LRFN5: variants seen among roughly 807,000 people sequenced by gnomAD.
The protein encoded by LRFN5 is leucine rich repeat and fibronectin type III domain containing 5.
A neutral mutation model predicts 45.6 loss-of-function variants in LRFN5; 24 were observed. The ratio of observed to expected loss-of-function variants is 0.53; its 90% CI spans 0.38 to 0.74. LRFN5 has a LOEUF of 0.74. LRFN5 is among the 30% of genes least tolerant of loss of function. The pLI, the probability that LRFN5 is intolerant of heterozygous loss-of-function variation, is 0.00. For synonymous variants in LRFN5, 340 were observed against 313.8 expected, an observed-to-expected ratio of 1.08 and a Z score of -0.88; for missense variants, 776 against 861.5, an observed-to-expected ratio of 0.90 and a Z score of 1.24.
intron 2 of LRFN5, among the ~76,000 whole-genome samples, chr14:41,804,383 A>G (rs928353762): frequency 3.3e-5 from 5 of 152,156 alleles, no homozygotes; most frequent in Non-Finnish European, 7.4e-5. Context: ...GGTCATCAGA[A>G]ATGCAAAAGC....
intron 2 of LRFN5, among the ~76,000 whole-genome samples, chr14:41,807,871 A>G (rs1471274671): frequency 6.6e-6 from 1 of 152,002 alleles, no homozygotes; most frequent in African/African-American, 2.4e-5. Context: ...TTGGAAATGT[A>G]AAAAATAATT....
chr14:41,743,870 G>A (rs897329423), intron 1 of LRFN5, among the ~76,000 whole-genome samples: 4 of 151,920 alleles, frequency 2.6e-5, no homozygotes, highest in Non-Finnish European at 4.4e-5. Flanking sequence ...TTGTACTTTA[G>A]GAAAAAATGT....
chr14:41,723,753 G>C (rs1029477806), intron 1 of LRFN5, among the ~76,000 whole-genome samples: 2 of 152,068 alleles, frequency 1.3e-5, no homozygotes, highest in Non-Finnish European at 2.9e-5. Context: ...CTACTACTGA[G>C]CCACTTTTCA....
At chr14:41,723,750 T>C (rs1883819698) in intron 1 of LRFN5, among the ~76,000 whole-genome samples, 1 of 152,102 alleles carries the variant, frequency 6.6e-6, no homozygotes, top group East Asian at 1.9e-4. Context: ...CACCTACTAC[T>C]GAGCCACTTT....
At chr14:41,684,447 T>A (rs1014840392) in intron 1 of LRFN5, among the ~76,000 whole-genome samples, 2 of 152,098 alleles carry the variant, frequency 1.3e-5, no homozygotes, top group African/African-American at 4.8e-5. Flanking sequence ...GGAAGGAGAA[T>A]GAACACAGGA....
chr14:41,711,236 C>G (rs532303691), intron 1 of LRFN5, among the ~76,000 whole-genome samples: 6 of 152,034 alleles, frequency 3.9e-5, no homozygotes, highest in Non-Finnish European at 8.8e-5. Flanking sequence ...TTTCAGGAAT[C>G]GAATGAGTAT....
At chr14:41,892,105 G>A in intron 4 of LRFN5, 143 bp downstream of exon 4, 1 of 1,442,122 alleles carries the variant, frequency 6.9e-7, no homozygotes. Flanking sequence ...CTATGAATGT[G>A]ATGTTTATTC....
chr14:41,722,860 G>T (rs1327498342), intron 1 of LRFN5, among the ~76,000 whole-genome samples: 2 of 152,138 alleles, frequency 1.3e-5, no homozygotes, highest in South Asian at 2.1e-4. Flanking sequence ...TCCTAAGGTG[G>T]GGGACAAGAT....
intron 1 of LRFN5, among the ~76,000 whole-genome samples, chr14:41,666,785 A>C (rs1880919650): frequency 6.6e-6 from 1 of 152,160 alleles, no homozygotes; most frequent in Non-Finnish European, 1.5e-5. Flanking sequence ...TCACTGCCCA[A>C]GAGTGACAGA....
intron 1 of LRFN5, among the ~76,000 whole-genome samples, chr14:41,658,687 A>G (rs17112174): frequency 0.019 from 2,895 of 152,094 alleles, 64 homozygotes; most frequent in South Asian, 0.071. Flanking sequence ...ATTTTCCCAA[A>G]TACCTTAATG....
Position 41,867,684 on chromosome 14 carries a change from T to A in LRFN5, c.-20-18922T>A, listed in dbSNP as rs759016140. ...ATTCTCCTTATGTATTTTATCTCCA[T>A]CAGATCTCTGCCATTTTGTTCAGTG... On this transcript the variant is annotated intron_variant, in intron 2 of 5. Coordinates refer to ENST00000298119, the MANE Select transcript of LRFN5 (RefSeq NM_152447.5). 5.0e-4 allele frequency among the ~76,000 whole-genome samples: 76 copies of A among 152,120 alleles called. 1 individual carries two copies. Among genetic ancestry groups the A allele is most frequent in the Admixed American group, 2.5e-3 (38 of 15,250 alleles).
At chr14:41,819,090 A>G (rs1165836361) in intron 2 of LRFN5, among the ~76,000 whole-genome samples, 2 of 152,136 alleles carry the variant, frequency 1.3e-5, no homozygotes, top group African/African-American at 4.8e-5. Flanking sequence ...GTATATCCAT[A>G]TAGTATTCCA....
chr14:41,629,925 C>T (rs1474814818), intron 1 of LRFN5, among the ~76,000 whole-genome samples: 1 of 152,044 alleles, frequency 6.6e-6, no homozygotes, highest in Non-Finnish European at 1.5e-5. Context: ...AGCTTTATTT[C>T]GTTGTCACAC....
In LRFN5 at chr14:41,607,086, C is replaced by T. The variant is rs1008988059; in HGVS notation, c.-1673C>T. Among the ~76,000 whole-genome samples, 1 of 152,174 alleles carries T rather than the reference C, an allele frequency of 6.6e-6. No individual in the cohort carries two copies. The highest frequency in any genetic ancestry group is 1.5e-5 in the Non-Finnish European group (1 of 68,006). ...GCGGGCGGGGCGCTGTGTTCCGCGG[C>T]GCGCAGGGAGGCGGTGAGCGTGTGC... On this transcript the variant is annotated 5_prime_UTR_variant, in exon 1 of 6. Coordinates refer to ENST00000298119, the MANE Select transcript of LRFN5 (RefSeq NM_152447.5).
intron 1 of LRFN5, among the ~76,000 whole-genome samples, chr14:41,619,434 T>G (rs1015156338): frequency 9.9e-5 from 15 of 152,134 alleles, no homozygotes; most frequent in African/African-American, 3.6e-4. Context: ...TTGACTTCAG[T>G]GTTTGTATTT....
At chr14:41,710,939 C>T in intron 1 of LRFN5, among the ~76,000 whole-genome samples, 1 of 152,082 alleles carries the variant, frequency 6.6e-6, no homozygotes, top group East Asian at 1.9e-4. Context: ...AGGACATGAA[C>T]TCATCTTTTT....
intron 2 of LRFN5, among the ~76,000 whole-genome samples, chr14:41,790,936 A>G (rs1325553178): frequency 6.6e-6 from 1 of 151,718 alleles, no homozygotes; most frequent in Non-Finnish European, 1.5e-5. Context: ...TCCTTTATAT[A>G]CTTAATGTCT....
chr14:41,781,637 AAGAAAGAAAG>A (rs1886524443), intron 2 of LRFN5, among the ~76,000 whole-genome samples: 2 of 150,132 alleles, frequency 1.3e-5, no homozygotes, highest in African/African-American at 2.5e-5. Context: ...AAAGAAAGGA[AAGAAAGAAAG>A]AGAAAGAAAG....
intron 2 of LRFN5, among the ~76,000 whole-genome samples, chr14:41,885,791 C>A (rs533347772): frequency 2.0e-5 from 3 of 151,920 alleles, no homozygotes; most frequent in South Asian, 2.1e-4. Context: ...CTGAAGCGGG[C>A]GGATCACCTG....
Sources: allele counts gnomAD v4.1 joint callset (sites outside exome capture counted in the v4.1 genomes callset), GRCh38; gene constraint gnomAD v4.1.1; transcripts MANE v1.5; gene names NCBI Gene and HGNC (gene_info 2026-07-23, HGNC 2026-07-21).